Variants in MOGAT1 observed in about 807,000 individuals in gnomAD.
MOGAT1 encodes the protein monoacylglycerol O-acyltransferase 1, also known as 2-acylglycerol O-acyltransferase 1.
Under a neutral mutation model 31.4 loss-of-function variants are expected in MOGAT1, and 32 were observed. That is an observed-to-expected ratio of 1.02 (90% CI 0.77 to 1.37). The LOEUF (loss-of-function observed/expected upper bound fraction) is 1.37. Among genes scored for constraint, MOGAT1 ranks in the 40% most tolerant of loss-of-function variants. MOGAT1 has a pLI of 0.00. For missense variants in MOGAT1, 426 were observed against 402.0 expected (o/e 1.06, Z -0.51); for synonymous variants, 145 against 144.5 (o/e 1.00, Z -0.03).
At chr2:222,699,192 C>CGGG (rs1692880694) in intron 5 of MOGAT1, 1 of 152,118 alleles carries the variant, frequency 6.6e-6, no homozygotes, top group African/African-American at 2.4e-5. Flanking sequence ...TTAGTACAGA[C>CGGG]GGGGTTTCAT....
At chr2:222,695,002 G>C in intron 4 of MOGAT1, 87 bp from the exon 5 acceptor site, 1 of 1,064,258 alleles carries the variant, frequency 9.4e-7, no homozygotes, top group Non-Finnish European at 1.3e-6. Context: ...AAATTTTTCA[G>C]AAGTTGTTGC....
chr2:222,692,104 G>A (rs1488382173), intron 3 of MOGAT1, among the ~76,000 whole-genome samples: 1 of 152,178 alleles, frequency 6.6e-6, no homozygotes, highest in Non-Finnish European at 1.5e-5. Flanking sequence ...GATGGATTTG[G>A]TGTGATAGAA....
intron 3 of MOGAT1, among the ~76,000 whole-genome samples, chr2:222,692,268 C>A (rs781617140): frequency 2.0e-5 from 3 of 152,136 alleles, no homozygotes; most frequent in African/African-American, 7.2e-5. Flanking sequence ...AGATTAATAT[C>A]AAAAATATTT....
intron 5 of MOGAT1, among the ~76,000 whole-genome samples, chr2:222,701,299 G>GGAGAGA (rs1553562912): frequency 2.1e-3 from 187 of 90,536 alleles, no homozygotes; most frequent in African/African-American, 6.7e-3. Flanking sequence ...AGGAGGAGGA[G>GGAGAGA]GAGAGAGAGA....
Position 222,709,887 on chromosome 2 carries a change from ATGACT to A in MOGAT1, c.*3_*7del. On this transcript the variant is annotated stop_retained_variant and 3_prime_UTR_variant, in exon 6 of 6. Coordinates refer to ENST00000446656, the MANE Select transcript of MOGAT1 (RefSeq NM_058165.3). Reference sequence around the variant, plus strand: ...CAGAGCACGAGACTCTTGTTTTAAAATGACTTGACTATAAAAAAAAATTAAAAAAT... The same window carrying A: ...CAGAGCACGAGACTCTTGTTTTAAAATGACTATAAAAAAAAATTAAAAAAT... The A allele has an allele frequency of 6.3e-7, 1 of 1,595,038 alleles. No individual in the cohort carries two copies. The highest frequency in any genetic ancestry group is 8.5e-7 in the Non-Finnish European group (1 of 1,172,372).
intron 1 of MOGAT1, among the ~76,000 whole-genome samples, chr2:222,685,893 C>T (rs1341788731): frequency 6.6e-6 from 1 of 151,912 alleles, no homozygotes; most frequent in Non-Finnish European, 1.5e-5. Flanking sequence ...AGCCACTGTG[C>T]CCGGCTGTGT....
At chr2:222,690,113 G>C (rs752642644) in intron 3 of MOGAT1, among the ~76,000 whole-genome samples, 34 of 152,090 alleles carry the variant, frequency 2.2e-4, no homozygotes, top group Non-Finnish European at 3.5e-4. Flanking sequence ...AAATTAGCTG[G>C]GCATGGTGGC....
Position 222,671,895 on chromosome 2 carries a change from C to T in MOGAT1, c.94+16C>T, listed in dbSNP as rs749245273. 7.1e-6 allele frequency: 11 copies of T among 1,547,258 alleles called. No individual in the cohort carries two copies. In the South Asian group the frequency reaches 1.2e-4, roughly 17 times the overall value. ...CTGCTGCTCGGTAAGGACCCCGCCCCCCGGGCCGCGGGGCTTGGGCTCCAT... is the reference window on the plus strand; with the variant it reads ...CTGCTGCTCGGTAAGGACCCCGCCCTCCGGGCCGCGGGGCTTGGGCTCCAT... On this transcript the variant is annotated intron_variant, in intron 1 of 5. Coordinates refer to ENST00000446656, the MANE Select transcript of MOGAT1 (RefSeq NM_058165.3).
Position 222,687,138 on chromosome 2 carries a change from AAGAAAGAACAAG to A in MOGAT1, c.95-1204_95-1193del, listed in dbSNP as rs1559230129. ...CAAAAAAAAAAAAAAAAAAAAAAAA[AAGAAAGAACAAG>A]AAAGAAAGAAAAAATATATATAAAT... On this transcript the variant is annotated intron_variant, in intron 1 of 5. Transcript: ENST00000446656. Among the ~76,000 whole-genome samples, 11 of 66,304 alleles carry A rather than the reference AAGAAAGAACAAG, an allele frequency of 1.7e-4. 2 individuals are homozygous for A. The highest frequency in any genetic ancestry group is 5.2e-4 in the African/African-American group (5 of 9,606). 43.5% of individuals were successfully genotyped at this position (66,304 alleles called of 152,430 possible).
intron 3 of MOGAT1, among the ~76,000 whole-genome samples, chr2:222,693,826 C>G (rs1450627008): frequency 6.6e-6 from 1 of 152,128 alleles, no homozygotes; most frequent in Non-Finnish European, 1.5e-5. Flanking sequence ...GGGGCACAGT[C>G]AAACGATATC....
chr2:222,696,798 G>A (rs1041710694), intron 5 of MOGAT1, among the ~76,000 whole-genome samples: 6 of 152,178 alleles, frequency 3.9e-5, no homozygotes, highest in African/African-American at 1.4e-4. Context: ...CTAGCACTTT[G>A]GGAGGCTGAG....
At position 222,683,465 on chromosome 2, in the gene MOGAT1, C is replaced by T. The variant is rs9973401; in HGVS notation, c.95-4879C>T. 3.1e-3 allele frequency among the ~76,000 whole-genome samples: 463 copies of T among 151,130 alleles called. 2 individuals are homozygous for T. Among genetic ancestry groups the T allele is most frequent in the African/African-American group, 0.011 (449 of 41,156 alleles). ...AAAAAGGACCAGGCGCAGTGGCTCA[C>T]GCTTGTAATCCCAGCATTTTGGGAG... On this transcript the variant is annotated intron_variant, in intron 1 of 5. Coordinates refer to ENST00000446656, the MANE Select transcript of MOGAT1 (RefSeq NM_058165.3).
At chr2:222,682,137 T>C (rs78426365) in intron 1 of MOGAT1, among the ~76,000 whole-genome samples, 4 of 150,072 alleles carry the variant, frequency 2.7e-5, no homozygotes, top group Non-Finnish European at 5.9e-5. Flanking sequence ...CACACACACA[T>C]ACGTGTGCAC....
intron 5 of MOGAT1, among the ~76,000 whole-genome samples, chr2:222,698,348 T>C (rs950810254): frequency 7.9e-5 from 12 of 152,218 alleles, no homozygotes; most frequent in Non-Finnish European, 1.2e-4. Context: ...GAAAGCAAGC[T>C]AAATGTTATC....
At chr2:222,682,633 G>T (rs1162312553) in intron 1 of MOGAT1, among the ~76,000 whole-genome samples, 3 of 152,192 alleles carry the variant, frequency 2.0e-5, no homozygotes, top group African/African-American at 7.2e-5. Context: ...TTCCAGTGAT[G>T]GGGGCACTGT....
At chr2:222,707,768 G>T (rs1693028141) in intron 5 of MOGAT1, among the ~76,000 whole-genome samples, 1 of 152,222 alleles carries the variant, frequency 6.6e-6, no homozygotes, top group Non-Finnish European at 1.5e-5. Context: ...GAATATTAAT[G>T]TTGCAGTAAG....
intron 3 of MOGAT1, among the ~76,000 whole-genome samples, chr2:222,693,453 T>G (rs950260778): frequency 1.3e-5 from 2 of 151,432 alleles, no homozygotes; most frequent in African/African-American, 2.4e-5. Flanking sequence ...GTCTTGTTTT[T>G]TTTTTTTTTT....
intron 5 of MOGAT1, among the ~76,000 whole-genome samples, chr2:222,704,847 T>C (rs1692981877): frequency 6.6e-6 from 1 of 151,990 alleles, no homozygotes; most frequent in African/African-American, 2.4e-5. Context: ...AGACCCCAAG[T>C]AATTGAATGT....
intron 1 of MOGAT1, among the ~76,000 whole-genome samples, chr2:222,680,032 CCTT>C (rs1692554637): frequency 1.3e-5 from 2 of 152,138 alleles, no homozygotes; most frequent in Non-Finnish European, 2.9e-5. Flanking sequence ...TAAAAGCTCT[CCTT>C]CTATTTTGCA....
Sources: allele counts gnomAD v4.1 joint callset (sites outside exome capture counted in the v4.1 genomes callset), GRCh38; gene constraint gnomAD v4.1.1; transcripts MANE v1.5; gene names NCBI Gene and HGNC (gene_info 2026-07-23, HGNC 2026-07-21).